Variants in KIAA0319L observed in about 807,000 individuals in gnomAD.
KIAA0319L encodes the protein dyslexia-associated protein KIAA0319-like protein.
A neutral mutation model predicts 120.1 loss-of-function variants in KIAA0319L; 55 were observed. The observed-to-expected ratio is 0.46, with a 90% CI of 0.37 to 0.57. The LOEUF (loss-of-function observed/expected upper bound fraction) is 0.57. KIAA0319L is among the 20% of genes least tolerant of loss of function. KIAA0319L has a pLI of 0.00. For synonymous variants in KIAA0319L, 398 were observed against 471.9 expected (o/e 0.84, Z 2.03); for missense variants, 1,049 against 1,255.3 (o/e 0.84, Z 2.48).
chr1:35,467,752 A>C (rs1052242177), intron 6 of KIAA0319L, among the ~76,000 whole-genome samples: 1 of 151,554 alleles, frequency 6.6e-6, no homozygotes, highest in African/African-American at 2.4e-5. Context: ...GCAGTGATGC[A>C]ATCTTGACTC....
intron 2 of KIAA0319L, among the ~76,000 whole-genome samples, chr1:35,517,423 T>C (rs1645730762): frequency 1.3e-5 from 2 of 152,054 alleles, no homozygotes; most frequent in Non-Finnish European, 1.5e-5. Context: ...CCTACGAACA[T>C]CTGAGTTTTG....
intron 20 of KIAA0319L, chr1:35,435,432 A>T (rs1374342002): frequency 5.1e-6 from 1 of 196,138 alleles, no homozygotes; most frequent in East Asian, 1.5e-4. Flanking sequence ...GGGTGGAATG[A>T]CATGGTAGGC....
At chr1:35,512,405 A>G (rs531422920) in intron 2 of KIAA0319L, among the ~76,000 whole-genome samples, 136 of 152,166 alleles carry the variant, frequency 8.9e-4, no homozygotes, top group Middle Eastern at 3.4e-3. Flanking sequence ...TAAACCCCAA[A>G]GTAAGTAAAG....
intron 10 of KIAA0319L, 55 bp downstream of exon 10, chr1:35,455,958 G>T (rs1263531755): frequency 1.5e-5 from 20 of 1,345,056 alleles, no homozygotes; most frequent in Non-Finnish European, 2.1e-5. Context: ...TAAAAATGCA[G>T]TCCAGCAGCT....
intron 3 of KIAA0319L, among the ~76,000 whole-genome samples, chr1:35,484,894 C>T (rs1253441798): frequency 1.4e-5 from 2 of 146,892 alleles, no homozygotes; most frequent in South Asian, 2.1e-4. Flanking sequence ...CATGCTGGTG[C>T]GCTGCACCCA....
chr1:35,468,298 AC>A (rs979055638), intron 6 of KIAA0319L, among the ~76,000 whole-genome samples: 1 of 151,534 alleles, frequency 6.6e-6, no homozygotes, highest in African/African-American at 2.4e-5. Flanking sequence ...AGTTTCCTCT[AC>A]CCTCCATCCC....
chr1:35,443,442 C>G (rs1489229447), intron 17 of KIAA0319L: 1 of 157,994 alleles, frequency 6.3e-6, no homozygotes, highest in African/African-American at 2.4e-5. Flanking sequence ...GAGGCCGAGG[C>G]AGGCAGATCA....
chr1:35,520,574 A>T (rs557055401), intron 2 of KIAA0319L, among the ~76,000 whole-genome samples: 3 of 151,944 alleles, frequency 2.0e-5, no homozygotes, highest in African/African-American at 7.2e-5. Flanking sequence ...TTTATGTTTT[A>T]TTTTTTTGTA....
intron 20 of KIAA0319L, among the ~76,000 whole-genome samples, chr1:35,436,768 C>T (rs1640821916): frequency 6.6e-6 from 1 of 152,156 alleles, no homozygotes. Flanking sequence ...GGTGGCACTG[C>T]TCTCCTTCCT....
chr1:35,548,076 G>A (rs936722082), intron 2 of KIAA0319L, among the ~76,000 whole-genome samples: 4 of 151,208 alleles, frequency 2.6e-5, no homozygotes, highest in South Asian at 4.2e-4. Context: ...AGCTGAGATC[G>A]TACCACTGCA....
intron 20 of KIAA0319L, among the ~76,000 whole-genome samples, chr1:35,438,018 A>C (rs1640920773): frequency 6.6e-6 from 1 of 152,060 alleles, no homozygotes; most frequent in Non-Finnish European, 1.5e-5. Flanking sequence ...TCCTCCTTGG[A>C]CCAAAAATCT....
chr1:35,486,366 C>T (rs1644384267), intron 3 of KIAA0319L, among the ~76,000 whole-genome samples: 2 of 136,712 alleles, frequency 1.5e-5, no homozygotes. Context: ...AGAGTAAGAC[C>T]CTGTCTCAAG....
intron 4 of KIAA0319L, among the ~76,000 whole-genome samples, chr1:35,477,580 T>C (rs919071960): frequency 4.2e-5 from 6 of 143,926 alleles, no homozygotes; most frequent in Admixed American, 7.5e-5. Flanking sequence ...GGCAGGAGAA[T>C]GGCATGAACC....
intron 2 of KIAA0319L, among the ~76,000 whole-genome samples, chr1:35,516,379 T>C (rs1183972297): frequency 6.6e-6 from 1 of 152,210 alleles, no homozygotes; most frequent in Non-Finnish European, 1.5e-5. Context: ...ATCCCCAGGA[T>C]GCAAGTTTGG....
chr1:35,456,903 AGAAG>A (rs1310936522), intron 9 of KIAA0319L, among the ~76,000 whole-genome samples: 2 of 117,486 alleles, frequency 1.7e-5, no homozygotes, highest in South Asian at 5.9e-4. Context: ...AGGGAGGGAA[AGAAG>A]GAAGGAATGA....
At chr1:35,518,895 T>G (rs554789316) in intron 2 of KIAA0319L, among the ~76,000 whole-genome samples, 1 of 148,364 alleles carries the variant, frequency 6.7e-6, no homozygotes, top group African/African-American at 2.5e-5. Flanking sequence ...TCCCAGCTAC[T>G]CGGGAGGCTG....
intron 2 of KIAA0319L, among the ~76,000 whole-genome samples, chr1:35,527,795 T>C (rs1044836189): frequency 6.6e-6 from 1 of 152,132 alleles, no homozygotes; most frequent in Admixed American, 6.5e-5. Context: ...GTCTAGCTAG[T>C]GGTTTATTGA....
chr1:35,448,713 C>A (rs1378278476), intron 15 of KIAA0319L, among the ~76,000 whole-genome samples: 1 of 152,206 alleles, frequency 6.6e-6, no homozygotes, highest in Admixed American at 6.5e-5. Flanking sequence ...AGCAATCTCT[C>A]CTGACTCACA....
chr1:35,509,989 C>CTCTGAAGT (rs60597798), intron 2 of KIAA0319L: 11,807 of 152,528 alleles, frequency 0.077, 1,097 homozygotes, highest in East Asian at 0.44. Flanking sequence ...AAGCAAAATA[C>CTCTGAAGT]TCTGAAGTTC....
Sources: gnomAD v4.1 joint callset for allele counts (sites outside exome capture counted in the v4.1 genomes callset) on GRCh38, gnomAD v4.1.1 for gene constraint, MANE v1.5 for transcripts, NCBI Gene and HGNC (gene_info 2026-07-23, HGNC 2026-07-21) for gene names.